Variants in PTAR1 observed in about 807,000 individuals in gnomAD.
PTAR1 encodes protein prenyltransferase alpha subunit repeat containing 1.
Under a neutral mutation model 45.5 loss-of-function variants are expected in PTAR1, and 17 were observed. That is an observed-to-expected ratio of 0.37 (90% CI 0.26 to 0.56). The LOEUF is 0.56. Among genes scored for constraint, PTAR1 ranks in the 20% least tolerant of loss-of-function variants. The pLI, the probability that PTAR1 is intolerant of heterozygous loss-of-function variation, is 0.77. For synonymous variants in PTAR1, 169 were observed against 171.3 expected (o/e 0.99, Z 0.11); for missense variants, 391 against 476.3 (o/e 0.82, Z 1.67).
At chr9:69,725,256 A>G (rs2134089129) in intron 5 of PTAR1, among the ~76,000 whole-genome samples, 1 of 152,254 alleles carries the variant, frequency 6.6e-6, no homozygotes, top group South Asian at 2.1e-4. Context: ...ATAAAATTGC[A>G]GTTTATTATT....
rs1158132994 is a variant in PTAR1 at position 69,712,114 on chromosome 9, C to G, written c.*6228G>C. Reference sequence around the variant, plus strand: ...ATATGAAATTATATGACAAGTAAACCTCAAATTTATTACCTATCACCTTAT... The same window carrying G: ...ATATGAAATTATATGACAAGTAAACGTCAAATTTATTACCTATCACCTTAT... On this transcript the variant is annotated 3_prime_UTR_variant, in exon 8 of 8. Coordinates refer to ENST00000340434, the MANE Select transcript of PTAR1 (RefSeq NM_001099666.2). The G allele has an allele frequency of 6.6e-6, 1 of 152,036 alleles. No individual in the cohort carries two copies. Among genetic ancestry groups the G allele is most frequent in the Non-Finnish European group, 1.5e-5 (1 of 67,986 alleles). 9.4% of individuals were successfully genotyped at this position (152,036 alleles called of 1,614,324 possible).
intron 3 of PTAR1, among the ~76,000 whole-genome samples, chr9:69,736,208 A>G (rs1825780474): frequency 6.6e-6 from 1 of 152,106 alleles, no homozygotes; most frequent in Non-Finnish European, 1.5e-5. Flanking sequence ...CCCAGAACCA[A>G]CTGAGTCAGA....
At chr9:69,728,565 C>T (rs1564131493) in intron 5 of PTAR1, among the ~76,000 whole-genome samples, 1 of 152,094 alleles carries the variant, frequency 6.6e-6, no homozygotes, top group Non-Finnish European at 1.5e-5. Context: ...TTGCATTTCC[C>T]TAATAGTAAA....
intron 5 of PTAR1, among the ~76,000 whole-genome samples, chr9:69,729,311 C>T (rs776802433): frequency 6.6e-6 from 1 of 152,072 alleles, no homozygotes; most frequent in Non-Finnish European, 1.5e-5. Context: ...CAGAGCAAAA[C>T]CCTGTCTCAA....
intron 2 of PTAR1, 23 bp downstream of exon 2, chr9:69,750,758 A>G (rs1564146820): frequency 6.4e-7 from 1 of 1,570,596 alleles, no homozygotes; most frequent in Non-Finnish European, 8.7e-7. Flanking sequence ...AAACCAAATG[A>G]AGAAAATATG....
rs554771119 is a variant in PTAR1 at position 69,747,546 on chromosome 9, A to G, written c.256+3235T>C. 1.4e-3 allele frequency among the ~76,000 whole-genome samples: 209 copies of G among 152,310 alleles called. 1 individual carries two copies. The highest frequency in any genetic ancestry group is 1.3e-3 in the Non-Finnish European group (89 of 68,006). On this transcript the variant is annotated intron_variant, in intron 2 of 7. Transcript: ENST00000340434. The stretch of plus-strand genomic sequence containing the variant: ...TTCTAGGGTTCAAATGAACCTCAAA[A>G]AAGTAGCAAAGGAAATTTGACAAGA...
At chr9:69,752,890 C>T (rs1298970668) in intron 1 of PTAR1, among the ~76,000 whole-genome samples, 3 of 152,032 alleles carry the variant, frequency 2.0e-5, no homozygotes, top group Non-Finnish European at 4.4e-5. Context: ...TCTAGCTATA[C>T]TTGACTAATA....
chr9:69,732,055 T>G (rs1335415728), intron 5 of PTAR1, 84 bp downstream of exon 5: 5 of 963,568 alleles, frequency 5.2e-6, no homozygotes, highest in Non-Finnish European at 6.3e-6. Context: ...CTCTACTCCT[T>G]CAAAGCTCTT....
intron 1 of PTAR1, among the ~76,000 whole-genome samples, chr9:69,754,722 AT>A (rs60535913): frequency 0.72 from 100,991 of 141,092 alleles, 36,770 homozygotes; most frequent in Admixed American, 0.79. Flanking sequence ...ATATATATAT[AT>A]TTTTTTTTTT....
chr9:69,749,448 A>G (rs1201983188), intron 2 of PTAR1, among the ~76,000 whole-genome samples: 1 of 152,272 alleles, frequency 6.6e-6, no homozygotes, highest in East Asian at 1.9e-4. Context: ...GATGGAATGC[A>G]GAATTAAAGA....
At chr9:69,732,110 G>A in intron 5 of PTAR1, 29 bp downstream of exon 5, 2 of 1,533,808 alleles carry the variant, frequency 1.3e-6, no homozygotes, top group Admixed American at 1.7e-5. Context: ...CAGACAGGCA[G>A]TCTGCCCAGG....
At chr9:69,742,163 C>T (rs566518061) in intron 2 of PTAR1, among the ~76,000 whole-genome samples, 26 of 152,008 alleles carry the variant, frequency 1.7e-4, no homozygotes, top group Admixed American at 1.4e-3. Context: ...TAATATTTAC[C>T]GAGGAAAGAA....
chr9:69,728,421 T>C (rs1825382756), intron 5 of PTAR1, among the ~76,000 whole-genome samples: 2 of 152,194 alleles, frequency 1.3e-5, no homozygotes, highest in Admixed American at 6.5e-5. Context: ...GCCAAACTGC[T>C]TTCCACAGTG....
In PTAR1 at chr9:69,718,588, A is replaced by G. The variant is rs973623937; in HGVS notation, c.983-20T>C. On this transcript the variant is annotated intron_variant, in intron 7 of 7. Transcript: ENST00000340434. ...AGCCTGCTGGGATAAGGTGCAAGTC[A>G]CTCAAAGTCCCCCCAGGGCTGTCTG... 1 of 1,613,524 alleles carries G rather than the reference A, an allele frequency of 6.2e-7. No individual in the cohort carries two copies. Among genetic ancestry groups the G allele is most frequent in the African/African-American group, 1.3e-5 (1 of 75,024 alleles).
In PTAR1 at chr9:69,734,307, T is replaced by C. The variant is rs73444512; in HGVS notation, c.324-53A>G. 2.6e-3 allele frequency: 2,039 copies of C among 797,688 alleles called. 27 individuals carry two copies. The African/African-American group carries it at 0.028, about 11-fold the overall frequency. The allele number at this position is 797,688 out of a possible 1,614,324, so 49.4% of individuals were successfully genotyped here. ...AAAATTAAACATTACTTTATCCTTATATCCAAAGGTTCTACATGGCTTTTA... is the reference window on the plus strand; with the variant it reads ...AAAATTAAACATTACTTTATCCTTACATCCAAAGGTTCTACATGGCTTTTA... On this transcript the variant is annotated intron_variant, in intron 3 of 7. Coordinates refer to ENST00000340434, the MANE Select transcript of PTAR1 (RefSeq NM_001099666.2).
Position 69,714,841 on chromosome 9 carries a change from A to G in PTAR1, c.*3501T>C, listed in dbSNP as rs1005904971. On this transcript the variant is annotated 3_prime_UTR_variant, in exon 8 of 8. Transcript: ENST00000340434. ...CTAAAATCTACAGAAGACAAAGGGG[A>G]CATTAATACATATCAAATCCCTAAG... is the stretch of plus-strand genomic sequence containing the variant. 1.3e-5 allele frequency: 2 copies of G among 152,246 alleles called. No homozygotes were observed. The highest frequency in any genetic ancestry group is 3.9e-4 in the East Asian group (2 of 5,186). The allele number at this position is 152,246 out of a possible 1,614,324, so 9.4% of individuals were successfully genotyped here. A position where few individuals can be genotyped will look rare whatever the true frequency, so the allele number is the denominator to read the frequency against.
intron 2 of PTAR1, among the ~76,000 whole-genome samples, chr9:69,745,199 G>A (rs1826223487): frequency 6.6e-6 from 1 of 152,192 alleles, no homozygotes; most frequent in Admixed American, 6.5e-5. Context: ...TGAGGAGGTT[G>A]TTCCTTTAGT....
In PTAR1 at chr9:69,715,412, G is replaced by A. The variant is rs545898683; in HGVS notation, c.*2930C>T. ...ATTTAATGAGTCCTCACAATGTGCA[G>A]GGCACAAGTAGAATCTGGAAAACAC... On this transcript the variant is annotated 3_prime_UTR_variant, in exon 8 of 8. Transcript: ENST00000340434. The A allele has an allele frequency of 6.6e-6, 1 of 152,148 alleles. No individual in the cohort carries two copies. Among genetic ancestry groups the A allele is most frequent in the South Asian group, 2.1e-4 (1 of 4,826 alleles). The allele number at this position is 152,148 out of a possible 1,614,324, so 9.4% of individuals were successfully genotyped here.
chr9:69,752,433 G>A (rs923537373), intron 1 of PTAR1, among the ~76,000 whole-genome samples: 1 of 151,960 alleles, frequency 6.6e-6, no homozygotes, highest in Non-Finnish European at 1.5e-5. Flanking sequence ...CAATAAAAAG[G>A]ATATCTTAGG....
Sources: allele counts gnomAD v4.1 joint callset (sites outside exome capture counted in the v4.1 genomes callset), GRCh38; gene constraint gnomAD v4.1.1; transcripts MANE v1.5; gene names NCBI Gene and HGNC (gene_info 2026-07-23, HGNC 2026-07-21).